SCAPER: variants seen among roughly 807,000 people sequenced by gnomAD.
SCAPER encodes the protein S phase cyclin A-associated protein in the endoplasmic reticulum.
Under a neutral mutation model 182.2 loss-of-function variants are expected in SCAPER, and 98 were observed. That is an observed-to-expected ratio of 0.54 (90% CI 0.46 to 0.64). SCAPER has a LOEUF of 0.64. Ranked by LOEUF, SCAPER falls within the 30% of genes least tolerant of loss-of-function variation. SCAPER has a pLI of 0.00. For missense variants in SCAPER, 1,432 were observed against 1,690.0 expected (o/e 0.85, Z 2.68); for synonymous variants, 605 against 564.6 (o/e 1.07, Z -1.01).
At chr15:76,781,320 G>GAGA (rs1402593982) in intron 8 of SCAPER, among the ~76,000 whole-genome samples, 2 of 152,072 alleles carry the variant, frequency 1.3e-5, no homozygotes, top group African/African-American at 2.4e-5. Flanking sequence ...AAAACGAAAG[G>GAGA]AGAAGACAAG....
chr15:76,424,247 G>A (rs1449154109), intron 26 of SCAPER, among the ~76,000 whole-genome samples: 1 of 152,158 alleles, frequency 6.6e-6, no homozygotes, highest in African/African-American at 2.4e-5. Flanking sequence ...TATTGTGTGG[G>A]AGTCTAAGTC....
intron 29 of SCAPER, among the ~76,000 whole-genome samples, chr15:76,362,824 G>A (rs1417176743): frequency 6.6e-6 from 1 of 152,162 alleles, no homozygotes; most frequent in Non-Finnish European, 1.5e-5. Flanking sequence ...CAAGGAAACA[G>A]AACAGAAAAT....
intron 28 of SCAPER, 147 bp from the exon 29 acceptor site, chr15:76,376,458 TA>T: frequency 1.1e-6 from 1 of 896,328 alleles, no homozygotes; most frequent in Non-Finnish European, 1.6e-6. Flanking sequence ...TGCTTTAGTT[TA>T]GGGGTTCTTG....
chr15:76,610,723 A>G (rs1412562320), intron 22 of SCAPER, among the ~76,000 whole-genome samples: 2 of 152,216 alleles, frequency 1.3e-5, no homozygotes, highest in Admixed American at 6.5e-5. Flanking sequence ...TTAACTAAAA[A>G]GGTGAAAGAC....
chr15:76,685,831 G>A (rs1183765401), intron 20 of SCAPER, among the ~76,000 whole-genome samples: 3 of 152,018 alleles, frequency 2.0e-5, no homozygotes, highest in Non-Finnish European at 4.4e-5. Flanking sequence ...AGGGAATCCA[G>A]AAACAGTTCA....
intron 20 of SCAPER, among the ~76,000 whole-genome samples, chr15:76,682,563 C>A (rs2057790030): frequency 6.6e-6 from 1 of 152,160 alleles, no homozygotes; most frequent in Admixed American, 6.5e-5. Context: ...CATGAGTATA[C>A]CCCAAAACAG....
intron 21 of SCAPER, among the ~76,000 whole-genome samples, chr15:76,653,063 T>C (rs1019439645): frequency 1.1e-4 from 17 of 152,164 alleles, no homozygotes; most frequent in African/African-American, 3.6e-4. Context: ...ATCAGTAGCA[T>C]TGCTAACAAC....
At chr15:76,874,986 T>C (rs939064972) in intron 2 of SCAPER, among the ~76,000 whole-genome samples, 4 of 151,948 alleles carry the variant, frequency 2.6e-5, no homozygotes, top group Non-Finnish European at 4.4e-5. Flanking sequence ...ATAATAATAA[T>C]AATTAAGTAA....
intron 20 of SCAPER, among the ~76,000 whole-genome samples, chr15:76,695,251 T>C (rs2058589546): frequency 6.6e-6 from 1 of 152,184 alleles, no homozygotes. Context: ...TTCTTCTGTT[T>C]TGAGTTAATT....
intron 5 of SCAPER, among the ~76,000 whole-genome samples, chr15:76,839,058 G>A (rs185214460): frequency 6.6e-6 from 1 of 152,272 alleles, no homozygotes; most frequent in East Asian, 1.9e-4. Context: ...AATTTATGTA[G>A]TAAAGTAGCC....
chr15:76,422,186 T>C (rs446827), intron 26 of SCAPER, among the ~76,000 whole-genome samples: 76,737 of 152,108 alleles, frequency 0.5, 20,665 homozygotes, highest in Non-Finnish European at 0.61. Context: ...GGGGATGGCA[T>C]TGAATCTATA....
At chr15:76,578,493 C>T (rs1388921196) in intron 22 of SCAPER, among the ~76,000 whole-genome samples, 3 of 152,176 alleles carry the variant, frequency 2.0e-5, no homozygotes, top group Admixed American at 2.0e-4. Context: ...CAGCTGCAAG[C>T]AGCTCAGCAC....
At chr15:76,819,718 A>C (rs545846930) in intron 5 of SCAPER, among the ~76,000 whole-genome samples, 1 of 152,328 alleles carries the variant, frequency 6.6e-6, no homozygotes, top group Admixed American at 6.5e-5. Flanking sequence ...ACCAGCACAG[A>C]ACAAAGCTGG....
intron 21 of SCAPER, among the ~76,000 whole-genome samples, chr15:76,650,679 C>T (rs1054508586): frequency 1.1e-4 from 17 of 152,134 alleles, no homozygotes; most frequent in Admixed American, 5.9e-4. Flanking sequence ...CCACATAGAC[C>T]TAACTGACAT....
intron 20 of SCAPER, among the ~76,000 whole-genome samples, chr15:76,669,171 G>T (rs2056833962): frequency 1.3e-5 from 2 of 151,956 alleles, no homozygotes; most frequent in Non-Finnish European, 2.9e-5. Context: ...CTACAGAGTT[G>T]TGCTCACTTT....
chr15:76,538,492 C>T (rs2044407798), intron 23 of SCAPER, among the ~76,000 whole-genome samples: 1 of 152,072 alleles, frequency 6.6e-6, no homozygotes, highest in African/African-American at 2.4e-5. Flanking sequence ...TGCATGTTCT[C>T]ATTCATAGAT....
intron 22 of SCAPER, among the ~76,000 whole-genome samples, chr15:76,611,057 A>G (rs1229820363): frequency 6.6e-6 from 1 of 152,208 alleles, no homozygotes; most frequent in East Asian, 1.9e-4. Context: ...AGTGGCATAA[A>G]AATAGACCTA....
chr15:76,865,247 T>C (rs111373041), intron 2 of SCAPER, among the ~76,000 whole-genome samples: 271 of 152,100 alleles, frequency 1.8e-3, no homozygotes, highest in South Asian at 8.9e-3. Context: ...AAACTGATGA[T>C]AAACTGAAAC....
In SCAPER at chr15:76,603,276, A is replaced by C. The variant is rs182276327; in HGVS notation, c.2711+18488T>G. ...GTTCAATTCCCACCTATGAGCGAGA[A>C]CATGCGGTGTTTTTTTGTCCTTGCG... On this transcript the variant is annotated intron_variant, in intron 22 of 31. Coordinates refer to ENST00000563290, the MANE Select transcript of SCAPER (RefSeq NM_020843.4). 7.0e-4 allele frequency among the ~76,000 whole-genome samples: 83 copies of C among 119,166 alleles called. 27 individuals carry two copies. Among genetic ancestry groups the C allele is most frequent in the South Asian group, 1.6e-3 (6 of 3,836 alleles). 78.2% of individuals were successfully genotyped at this position (119,166 alleles called of 152,430 possible).
Sources: gnomAD v4.1 joint callset for allele counts (sites outside exome capture counted in the v4.1 genomes callset) on GRCh38, gnomAD v4.1.1 for gene constraint, MANE v1.5 for transcripts, NCBI Gene and HGNC (gene_info 2026-07-23, HGNC 2026-07-21) for gene names.